Variants in PCDHA7 observed in about 807,000 individuals in gnomAD.
The protein encoded by PCDHA7 is protocadherin alpha-7.
PCDHA7 carries 37 observed loss-of-function variants against 57.2 expected under a neutral mutation model. That is an observed-to-expected ratio of 0.65 (90% confidence interval 0.50 to 0.85). The LOEUF (loss-of-function observed/expected upper bound fraction) is 0.85. Among genes scored for constraint, PCDHA7 ranks in the 40% least tolerant of loss-of-function variants. The probability of loss-of-function intolerance (pLI) is 0.00; values close to 1 mark genes in which losing one functional copy is unlikely to be tolerated. For synonymous variants in PCDHA7, 553 were observed against 558.8 expected, an observed-to-expected ratio of 0.99 and a Z score of 0.15; for missense variants, 1,188 against 1,241.8, an observed-to-expected ratio of 0.96 and a Z score of 0.65.
chr5:140,970,078 A>G (rs1260486106), intron 1 of PCDHA7, among the ~76,000 whole-genome samples: 2 of 152,124 alleles, frequency 1.3e-5, no homozygotes, highest in African/African-American at 4.8e-5. Context: ...TGAGTGGATT[A>G]GGGGTGTGGG....
rs1554181471 is a variant in PCDHA7, at chr5:140,884,352, A to G, written c.2355+47614A>G. ...GTGGGTCCAGAAGCGGCGCTGGTGG[A>G]TGTCAATGTTTACTTGATCATTGCC... is the stretch of plus-strand genomic sequence containing the variant. On this transcript the variant is annotated intron_variant, in intron 1 of 3. Transcript: ENST00000525929. The G allele has an allele frequency of 2.5e-6, 4 of 1,613,710 alleles. No individual in the cohort carries two copies. The Admixed American group carries it at 5.0e-5, about 20-fold the overall frequency.
At chr5:140,945,164 T>C (rs246060) in intron 1 of PCDHA7, among the ~76,000 whole-genome samples, 85,686 of 151,808 alleles carry the variant, frequency 0.56, 24,785 homozygotes, top group African/African-American at 0.69. Flanking sequence ...TATTGAACTA[T>C]CTGAAAAATA....
chr5:140,918,115 A>T (rs185486488), intron 1 of PCDHA7, among the ~76,000 whole-genome samples: 1 of 152,080 alleles, frequency 6.6e-6, no homozygotes, highest in East Asian at 1.9e-4. Context: ...CACATCCTTG[A>T]TTAGCCATAT....
chr5:140,964,930 G>A (rs1480159584), intron 1 of PCDHA7, among the ~76,000 whole-genome samples: 12 of 152,306 alleles, frequency 7.9e-5, no homozygotes, highest in Middle Eastern at 3.4e-3. Flanking sequence ...CTAGGTAGTG[G>A]AGCATTGATA....
chr5:140,872,265 T>G (rs2053570965), intron 1 of PCDHA7, among the ~76,000 whole-genome samples: 1 of 152,164 alleles, frequency 6.6e-6, no homozygotes, highest in South Asian at 2.1e-4. Context: ...TGTTTTCATA[T>G]TGTTTGAAGA....
At chr5:140,942,838 A>G (rs2093377015) in intron 1 of PCDHA7, among the ~76,000 whole-genome samples, 1 of 152,198 alleles carries the variant, frequency 6.6e-6, no homozygotes, top group Non-Finnish European at 1.5e-5. Context: ...GTCAATAAAA[A>G]TTCCAGTAAG....
chr5:140,992,414 G>T (rs868994021), intron 3 of PCDHA7, among the ~76,000 whole-genome samples: 1 of 152,128 alleles, frequency 6.6e-6, no homozygotes, highest in African/African-American at 2.4e-5. Flanking sequence ...TCTGCCCCAG[G>T]TCTAAGAATA....
chr5:140,850,831 G>T, intron 1 of PCDHA7: 7 of 1,598,198 alleles, frequency 4.4e-6, no homozygotes, highest in Non-Finnish European at 6.0e-6. Flanking sequence ...CTTTCTCCTT[G>T]TGCTGGATCT....
chr5:140,920,858 A>AG (rs2079893810), intron 1 of PCDHA7, among the ~76,000 whole-genome samples: 1 of 151,604 alleles, frequency 6.6e-6, no homozygotes, highest in African/African-American at 2.4e-5. Context: ...AAAAAAAAAA[A>AG]CAAACAAACT....
chr5:140,973,674 T>A (rs782774613), intron 1 of PCDHA7, among the ~76,000 whole-genome samples: 10 of 152,264 alleles, frequency 6.6e-5, no homozygotes, highest in Non-Finnish European at 1.3e-4. Flanking sequence ...GTAGCTTGAA[T>A]GTCATTGGCC....
intron 1 of PCDHA7, among the ~76,000 whole-genome samples, chr5:140,872,509 C>A (rs1554166234): frequency 6.6e-6 from 1 of 152,076 alleles, no homozygotes; most frequent in Non-Finnish European, 1.5e-5. Flanking sequence ...TGCCTGTAGT[C>A]CCAGTTTCTT....
At chr5:140,859,820 A>T (rs571266771) in intron 1 of PCDHA7, 10 of 152,434 alleles carry the variant, frequency 6.6e-5, no homozygotes, top group African/African-American at 2.2e-4. Context: ...TGCAGAGTTT[A>T]GAAGTGTATT....
chr5:140,850,754 G>A lies in PCDHA7; in HGVS notation c.2355+14016G>A, dbSNP rs2150497154. 7 of 1,598,000 alleles carry A rather than the reference G, an allele frequency of 4.4e-6. 1 individual carries two copies. In the African/African-American group the frequency reaches 6.7e-5, roughly 15 times the overall value. On this transcript the variant is annotated intron_variant, in intron 1 of 3. Transcript: ENST00000525929. ...TGGGGAGTTGGTCGTACTCGCAGCA[G>A]AGGAGGCAGAGGGTGTGCTCTGGCG...
rs112749867 is a variant in PCDHA7 at position 140,870,111 on chromosome 5, G to T, written c.2355+33373G>T. On this transcript the variant is annotated intron_variant, in intron 1 of 3. Coordinates refer to ENST00000525929, the MANE Select transcript of PCDHA7 (RefSeq NM_018910.3). ...CAATGGCAGGTCACTGTACAGTCTG[G>T]GTGGAAATCTTGGACACCAACGATA... is the stretch of plus-strand genomic sequence containing the variant. 32 of 1,613,880 alleles carry T rather than the reference G, an allele frequency of 2.0e-5. 1 individual carries two copies. In the African/African-American group the frequency reaches 2.0e-4, roughly 10 times the overall value.
chr5:140,920,923 G>T (rs1229531762), intron 1 of PCDHA7, among the ~76,000 whole-genome samples: 1 of 151,200 alleles, frequency 6.6e-6, no homozygotes, highest in Non-Finnish European at 1.5e-5. Flanking sequence ...TCCAAGAGTA[G>T]GTGATCTAGC....
At chr5:140,844,413 A>G (rs1581068328) in intron 1 of PCDHA7, among the ~76,000 whole-genome samples, 1 of 149,462 alleles carries the variant, frequency 6.7e-6, no homozygotes, top group East Asian at 1.9e-4. Flanking sequence ...ATTTGGAGAC[A>G]TGTTTTTTAT....
At chr5:140,980,555 G>A (rs1050580342) in intron 2 of PCDHA7, among the ~76,000 whole-genome samples, 1 of 152,068 alleles carries the variant, frequency 6.6e-6, no homozygotes, top group Non-Finnish European at 1.5e-5. Flanking sequence ...GCTTGAACCC[G>A]GGAGGCGGAA....
In PCDHA7 at chr5:140,903,474, C is replaced by T. The variant is rs1257250947; in HGVS notation, c.2355+66736C>T. Among the ~76,000 whole-genome samples, 4 of 152,106 alleles carry T rather than the reference C, an allele frequency of 2.6e-5. No homozygotes were observed. In the East Asian group the frequency reaches 7.7e-4, roughly 29 times the overall value. The stretch of plus-strand genomic sequence containing the variant: ...ATCAAACTTAAAATATTATTCCTTG[C>T]ATTATAGTTCTGAGCAGGTACCATA... On this transcript the variant is annotated intron_variant, in intron 1 of 3. Transcript: ENST00000525929.
intron 1 of PCDHA7, chr5:140,841,287 A>G: frequency 3.9e-6 from 6 of 1,554,152 alleles, no homozygotes; most frequent in Non-Finnish European, 5.2e-6. Context: ...CTTTATATTA[A>G]GATAATATTT....
Sources: gnomAD v4.1 joint callset for allele counts (sites outside exome capture counted in the v4.1 genomes callset) on GRCh38, gnomAD v4.1.1 for gene constraint, MANE v1.5 for transcripts, NCBI Gene and HGNC (gene_info 2026-07-23, HGNC 2026-07-21) for gene names.